The following TPX2 variants were observed in gnomAD, a reference collection of about 807,000 sequenced individuals.
The protein encoded by TPX2 is targeting protein for Xklp2.
Under a neutral mutation model 93.6 loss-of-function variants are expected in TPX2, and 21 were observed. That is an observed-to-expected ratio of 0.22 (90% CI 0.16 to 0.32). The LOEUF is 0.32. Ranked by LOEUF, TPX2 falls within the 10% of genes least tolerant of loss-of-function variation. The probability of loss-of-function intolerance (pLI) is 1.00; values close to 1 mark genes in which losing one functional copy is unlikely to be tolerated. For missense variants in TPX2, 776 were observed against 871.1 expected (o/e 0.89, Z 1.37); for synonymous variants, 281 against 298.3 (o/e 0.94, Z 0.60).
chr20:31,766,525 T>G, intron 4 of TPX2, 31 bp from the exon 5 acceptor site: 1 of 1,596,724 alleles, frequency 6.3e-7, no homozygotes, highest in Non-Finnish European at 8.5e-7. Flanking sequence ...CCTTGGCCTT[T>G]GAGTGCTGAC....
At chr20:31,770,898 C>CTTTTTTTT (rs35680390) in intron 6 of TPX2, among the ~76,000 whole-genome samples, 1 of 120,288 alleles carries the variant, frequency 8.3e-6, no homozygotes, top group African/African-American at 3.0e-5. Context: ...TGATTTTTAG[C>CTTTTTTTT]TTTTTTTTTT....
chr20:31,756,159 G>A (rs1476177132), intron 2 of TPX2, among the ~76,000 whole-genome samples: 1 of 152,158 alleles, frequency 6.6e-6, no homozygotes, highest in African/African-American at 2.4e-5. Context: ...CTTGATGGTT[G>A]GATGGATGGA....
chr20:31,771,724 T>A (rs1043032213), intron 7 of TPX2, 42 bp downstream of exon 7: 8 of 1,582,306 alleles, frequency 5.1e-6, no homozygotes, highest in Non-Finnish European at 6.0e-6. Context: ...ATGAATGGTA[T>A]AAAATTACAG....
chr20:31,757,857 C>G (rs1238117224), intron 3 of TPX2, among the ~76,000 whole-genome samples: 1 of 152,092 alleles, frequency 6.6e-6, no homozygotes. Flanking sequence ...CAGTGTTCAA[C>G]AAAACTCCAT....
chr20:31,797,004 T>A (rs1480255577), intron 15 of TPX2, among the ~76,000 whole-genome samples: 1 of 151,994 alleles, frequency 6.6e-6, no homozygotes, highest in Non-Finnish European at 1.5e-5. Flanking sequence ...TTTTTTTTTT[T>A]AATTTAAAAG....
intron 17 of TPX2, 70 bp from the exon 18 acceptor site, chr20:31,800,900 A>T: frequency 7.6e-7 from 1 of 1,316,534 alleles, no homozygotes; most frequent in Non-Finnish European, 1.1e-6. Context: ...TCAAAAAGAA[A>T]AAAATAAAAG....
chr20:31,765,876 A>G (rs998405472), intron 4 of TPX2, among the ~76,000 whole-genome samples: 7 of 152,204 alleles, frequency 4.6e-5, no homozygotes, highest in Non-Finnish European at 8.8e-5. Context: ...ATATTGGACA[A>G]TGATCCTTGG....
intron 9 of TPX2, 108 bp downstream of exon 9, chr20:31,777,746 T>C (rs2062010428): frequency 8.4e-7 from 1 of 1,197,420 alleles, no homozygotes; most frequent in African/African-American, 1.6e-5. Flanking sequence ...AAAAAAAACC[T>C]TGTGTCTATA....
chr20:31,775,334 A>G (rs2061989072), intron 7 of TPX2, among the ~76,000 whole-genome samples: 1 of 151,248 alleles, frequency 6.6e-6, no homozygotes, highest in Non-Finnish European at 1.5e-5. Context: ...TTCTTCTGAA[A>G]TTTTTTCAGT....
At chr20:31,779,100 C>T (rs570950384) in intron 10 of TPX2, 116 bp downstream of exon 10, 19 of 1,162,560 alleles carry the variant, frequency 1.6e-5, no homozygotes, top group East Asian at 5.2e-5. Context: ...TAAAGTATGG[C>T]GTGTGACTAT....
intron 4 of TPX2, among the ~76,000 whole-genome samples, chr20:31,765,331 A>C (rs1299444492): frequency 1.3e-5 from 2 of 151,660 alleles, no homozygotes; most frequent in Non-Finnish European, 2.9e-5. Flanking sequence ...AAAAAAAAAA[A>C]ACGTTTATCA....
chr20:31,785,269 C>T (rs1035391204), intron 12 of TPX2, among the ~76,000 whole-genome samples: 1 of 152,150 alleles, frequency 6.6e-6, no homozygotes, highest in African/African-American at 2.4e-5. Context: ...TCTTCCCCCA[C>T]CCAAGTGATT....
intron 3 of TPX2, among the ~76,000 whole-genome samples, chr20:31,758,806 C>A (rs370733200): frequency 6.6e-6 from 1 of 152,086 alleles, no homozygotes; most frequent in Non-Finnish European, 1.5e-5. Flanking sequence ...AGCTGTCCTG[C>A]GGGGATCTTC....
At chr20:31,800,848 G>A in intron 17 of TPX2, 122 bp from the exon 18 acceptor site, 1 of 817,950 alleles carries the variant, frequency 1.2e-6, no homozygotes, top group South Asian at 1.6e-5. Flanking sequence ...CCCCACACCT[G>A]AAACTAGTGA....
intron 4 of TPX2, 46 bp downstream of exon 4, chr20:31,760,225 C>T: frequency 6.2e-7 from 1 of 1,608,400 alleles, no homozygotes; most frequent in Non-Finnish European, 8.5e-7. Flanking sequence ...AATGGTGGGA[C>T]AGTGTTTTAG....
rs1176365878 is a variant in TPX2 at position 31,793,894 on chromosome 20, A to G, written c.1556A>G (p.Tyr519Cys). ...VVIKAQPVPH[Y>C]GVPFKPQIPE... Reference sequence around the variant, plus strand: ...ATAAAAGCTCAACCTGTGCCACATTATGGGGTGCCTTTTAAGCCCCAAATC... The same window carrying G: ...ATAAAAGCTCAACCTGTGCCACATTGTGGGGTGCCTTTTAAGCCCCAAATC... Residue 519 changes from tyrosine (Y) to cysteine (C), a missense_variant, in exon 14 of 18, where the codon TAT becomes TGT. By Grantham distance (194) the Tyr-to-Cys change is radical. Transcript: ENST00000300403. 1.2e-6 allele frequency: 2 copies of G among 1,613,522 alleles called. No homozygotes were observed. Among genetic ancestry groups the G allele is most frequent in the South Asian group, 2.2e-5 (2 of 91,010 alleles).
Position 31,750,988 on chromosome 20 carries a change from G to A in TPX2, c.-70-6419G>A, listed in dbSNP as rs545765584. Among the ~76,000 whole-genome samples the A allele has an allele frequency of 2.6e-5, 4 of 151,944 alleles. No homozygotes were observed. In the East Asian group the frequency reaches 7.8e-4, roughly 30 times the overall value. Reference sequence around the variant, plus strand: ...AGTGGTGCAATCGTGGGTCACTGTGGCCTCAAACTCCTGGACTCAAATGAT... The same window carrying A: ...AGTGGTGCAATCGTGGGTCACTGTGACCTCAAACTCCTGGACTCAAATGAT... On this transcript the variant is annotated intron_variant, in intron 2 of 17. Transcript: ENST00000300403.
At chr20:31,775,823 C>A in intron 7 of TPX2, 44 bp from the exon 8 acceptor site, 1 of 1,429,920 alleles carries the variant, frequency 7.0e-7, no homozygotes, top group Non-Finnish European at 9.2e-7. Context: ...TCACTGGGTG[C>A]CTTTCTCCTC....
chr20:31,798,612 C>G (rs2062152306), intron 17 of TPX2, 60 bp downstream of exon 17: 3 of 1,493,338 alleles, frequency 2.0e-6, no homozygotes, highest in Non-Finnish European at 2.7e-6. Context: ...TTTACCTGTA[C>G]CTTACCTTGT....
Sources: allele counts gnomAD v4.1 joint callset (sites outside exome capture counted in the v4.1 genomes callset), GRCh38; gene constraint gnomAD v4.1.1; transcripts MANE v1.5; gene names NCBI Gene and HGNC (gene_info 2026-07-23, HGNC 2026-07-21).